PUM1: variants seen among roughly 807,000 people sequenced by gnomAD.
PUM1 encodes pumilio homolog 1.
A neutral mutation model predicts 131.8 loss-of-function variants in PUM1; 13 were observed. The observed-to-expected ratio is 0.10, with a 90% CI of 0.06 to 0.16. PUM1 has a LOEUF of 0.16. Among genes scored for constraint, PUM1 ranks in the 10% least tolerant of loss-of-function variants. The pLI is 1.00. For synonymous variants in PUM1, 509 were observed against 556.5 expected (o/e 0.91, Z 1.20); for missense variants, 961 against 1,512.4 (o/e 0.64, Z 6.05).
intron 19 of PUM1, 129 bp downstream of exon 19, chr1:30,941,869 C>G (rs972867883): frequency 9.4e-7 from 1 of 1,059,956 alleles, no homozygotes; most frequent in Non-Finnish European, 1.4e-6. Flanking sequence ...AATACAAATA[C>G]AACCACAAGA....
intron 7 of PUM1, among the ~76,000 whole-genome samples, chr1:30,992,183 G>A (rs1208874944): frequency 6.6e-6 from 1 of 152,176 alleles, no homozygotes; most frequent in Non-Finnish European, 1.5e-5. Context: ...ACATACAGAG[G>A]ACGGTGGCCT....
At chr1:30,994,638 T>G (rs553724355) in intron 6 of PUM1, among the ~76,000 whole-genome samples, 1 of 152,328 alleles carries the variant, frequency 6.6e-6, no homozygotes, top group South Asian at 2.1e-4. Context: ...GCACAAGTTC[T>G]CAACTGTTTT....
chr1:30,947,948 C>T (rs1369648786), intron 17 of PUM1, among the ~76,000 whole-genome samples: 1 of 151,312 alleles, frequency 6.6e-6, no homozygotes. Context: ...CTCAACCTCC[C>T]GGGCTCAAGC....
At chr1:31,007,928 A>C (rs374412833) in intron 3 of PUM1, among the ~76,000 whole-genome samples, 7 of 152,242 alleles carry the variant, frequency 4.6e-5, no homozygotes, top group African/African-American at 1.7e-4. Flanking sequence ...AAAATTCCAC[A>C]GAACTCTATC....
chr1:30,957,461 T>C (rs1185231751), intron 14 of PUM1, among the ~76,000 whole-genome samples: 1 of 152,026 alleles, frequency 6.6e-6, no homozygotes, highest in Admixed American at 6.6e-5. Flanking sequence ...GCTCTGGGGG[T>C]TTGGGTGCAA....
chr1:30,972,065 G>GACAAA (rs1640892456), intron 10 of PUM1, among the ~76,000 whole-genome samples: 1 of 151,164 alleles, frequency 6.6e-6, no homozygotes, highest in African/African-American at 2.4e-5. Flanking sequence ...GATCAGCCTG[G>GACAAA]ACAACATGGT....
chr1:30,981,191 C>A (rs1641342531), intron 8 of PUM1, 121 bp downstream of exon 8: 2 of 546,154 alleles, frequency 3.7e-6, no homozygotes, highest in Admixed American at 8.0e-5. Flanking sequence ...GCCACTTACT[C>A]TGTCTGAGGG....
At chr1:31,010,828 G>A (rs547510332) in intron 3 of PUM1, among the ~76,000 whole-genome samples, 1 of 152,306 alleles carries the variant, frequency 6.6e-6, no homozygotes, top group South Asian at 2.1e-4. Flanking sequence ...ACTCAGGAAA[G>A]TCATGCCTAG....
intron 3 of PUM1, among the ~76,000 whole-genome samples, chr1:31,009,782 A>AAAAAAAAAAAC (rs375044466): frequency 3.0e-4 from 37 of 125,338 alleles, no homozygotes; most frequent in Admixed American, 6.4e-4. Flanking sequence ...AAAAAAAAAA[A>AAAAAAAAAAAC]AAAAACAAAA....
intron 2 of PUM1, among the ~76,000 whole-genome samples, chr1:31,044,326 C>A (rs1040276740): frequency 6.6e-6 from 1 of 152,080 alleles, no homozygotes; most frequent in African/African-American, 2.4e-5. Flanking sequence ...GCGGGAACCC[C>A]AGGGGGCGGA....
At chr1:31,018,840 C>T (rs935577091) in intron 3 of PUM1, among the ~76,000 whole-genome samples, 1 of 152,004 alleles carries the variant, frequency 6.6e-6, no homozygotes, top group Non-Finnish European at 1.5e-5. Context: ...AAACAGAATC[C>T]ATTAAGTCTC....
chr1:30,968,012 T>G (rs1159800553), intron 11 of PUM1, among the ~76,000 whole-genome samples: 1 of 152,158 alleles, frequency 6.6e-6, no homozygotes, highest in Non-Finnish European at 1.5e-5. Context: ...AATCATGCTG[T>G]TCAAAAACAT....
intron 2 of PUM1, among the ~76,000 whole-genome samples, chr1:31,029,776 T>C (rs1035970349): frequency 6.6e-6 from 1 of 151,946 alleles, no homozygotes; most frequent in Non-Finnish European, 1.5e-5. Flanking sequence ...TAAAAATTAG[T>C]TGGGCTGTGG....
chr1:31,020,541 CA>C (rs1642983226), intron 3 of PUM1, among the ~76,000 whole-genome samples: 1 of 152,060 alleles, frequency 6.6e-6, no homozygotes, highest in South Asian at 2.1e-4. Context: ...TTCACAAATA[CA>C]ATGATGAAAA....
chr1:30,956,407 G>A (rs1469333522), intron 14 of PUM1, among the ~76,000 whole-genome samples: 1 of 152,234 alleles, frequency 6.6e-6, no homozygotes, highest in East Asian at 1.9e-4. Flanking sequence ...GGGACTACAG[G>A]TGTGCACCAC....
intron 2 of PUM1, among the ~76,000 whole-genome samples, chr1:31,036,063 G>A (rs1643600484): frequency 6.6e-6 from 1 of 151,292 alleles, no homozygotes; most frequent in African/African-American, 2.4e-5. Context: ...ATCCGAAATA[G>A]AATTCAAACT....
intron 17 of PUM1, among the ~76,000 whole-genome samples, chr1:30,946,372 C>T (rs988940357): frequency 1.3e-5 from 2 of 150,574 alleles, no homozygotes; most frequent in African/African-American, 4.9e-5. Flanking sequence ...GGTGCAGTGG[C>T]TCATGCCTGT....
At chr1:30,989,571 C>CAAAAAAAAAAAAAAAAAAA (rs1174565063) in intron 7 of PUM1, among the ~76,000 whole-genome samples, 1 of 27,704 alleles carries the variant, frequency 3.6e-5, no homozygotes, top group African/African-American at 1.3e-4. Context: ...GACTCCGTCT[C>CAAAAAAAAAAAAAAAAAAA]AAAAAAAAAA....
chr1:30,936,477 G>GT (rs1310473354), intron 21 of PUM1, among the ~76,000 whole-genome samples, 166 bp downstream of exon 21: 1 of 152,204 alleles, frequency 6.6e-6, no homozygotes. Context: ...TGGCAAATGT[G>GT]TAAGGACAAT....
Sources: gnomAD v4.1 joint callset for allele counts (sites outside exome capture counted in the v4.1 genomes callset) on GRCh38, gnomAD v4.1.1 for gene constraint, MANE v1.5 for transcripts, NCBI Gene and HGNC (gene_info 2026-07-23, HGNC 2026-07-21) for gene names.